Variants in NSD1 observed in about 807,000 individuals in gnomAD.
The protein encoded by NSD1 is nuclear receptor binding SET domain protein 1, also known as histone-lysine N-methyltransferase, H3 lysine-36 specific.
Under a neutral mutation model 242.7 loss-of-function variants are expected in NSD1, and 26 were observed. The observed-to-expected ratio is 0.11, with a 90% confidence interval of 0.08 to 0.15. NSD1 has a LOEUF of 0.15. NSD1 is among the 10% of genes least tolerant of loss of function. NSD1 has a pLI of 1.00. For missense variants in NSD1, 2,495 were observed against 3,272.8 expected, an observed-to-expected ratio of 0.76 and a Z score of 5.80; for synonymous variants, 1,106 against 1,178.1, an observed-to-expected ratio of 0.94 and a Z score of 1.25.
At chr5:177,251,518 A>C (rs1266428798) in intron 11 of NSD1, among the ~76,000 whole-genome samples, 2 of 152,176 alleles carry the variant, frequency 1.3e-5, no homozygotes, top group Non-Finnish European at 2.9e-5. Flanking sequence ...GTCTTTTTAA[A>C]AATGAATACC....
chr5:177,236,841 GTTCT>G (rs1765487483), intron 6 of NSD1, among the ~76,000 whole-genome samples: 1 of 152,190 alleles, frequency 6.6e-6, no homozygotes, highest in Admixed American at 6.5e-5. Flanking sequence ...CTGACAGTTT[GTTCT>G]TTCTTTTTTA....
At chr5:177,248,552 A>G (rs1766480760) in intron 11 of NSD1, among the ~76,000 whole-genome samples, 2 of 152,158 alleles carry the variant, frequency 1.3e-5, no homozygotes, top group South Asian at 4.1e-4. Context: ...CCCATGAAGG[A>G]ATATATGCCG....
intron 5 of NSD1, among the ~76,000 whole-genome samples, chr5:177,217,666 CTTT>C (rs543853335): frequency 1.7e-4 from 18 of 106,226 alleles, no homozygotes; most frequent in South Asian, 6.3e-4. Flanking sequence ...GCGTCACATT[CTTT>C]TTTTTTTTTT....
intron 11 of NSD1, among the ~76,000 whole-genome samples, chr5:177,250,208 T>A (rs755576838): frequency 1.3e-5 from 2 of 152,252 alleles, no homozygotes; most frequent in African/African-American, 4.8e-5. Context: ...CACTATTACA[T>A]TCTTGGACCA....
At chr5:177,171,677 C>T (rs751586398) in intron 2 of NSD1, among the ~76,000 whole-genome samples, 1 of 152,076 alleles carries the variant, frequency 6.6e-6, no homozygotes, top group Non-Finnish European at 1.5e-5. Context: ...ATTTGCCTAT[C>T]CTAGGTATTT....
intron 17 of NSD1, among the ~76,000 whole-genome samples, chr5:177,277,064 T>C (rs150537251): frequency 1.2e-4 from 19 of 152,030 alleles, no homozygotes; most frequent in Non-Finnish European, 2.1e-4. Context: ...CATATTGAGC[T>C]ACTGAGAGAG....
intron 17 of NSD1, among the ~76,000 whole-genome samples, chr5:177,275,607 G>A (rs1758316300): frequency 6.6e-6 from 1 of 151,736 alleles, no homozygotes; most frequent in African/African-American, 2.4e-5. Context: ...CTAATTTTTT[G>A]TATTTTTAGT....
rs1410968106 is a variant in NSD1, at chr5:177,295,295, C to A, written c.7927C>A (p.Gln2643Lys). 1 of 1,614,228 alleles carries A rather than the reference C, an allele frequency of 6.2e-7. No homozygotes were observed. The highest frequency in any genetic ancestry group is 2.2e-5 in the East Asian group (1 of 44,892). The change falls in exon 23 of 23, where the codon CAG becomes AAG. Residue 2643 changes from glutamine to lysine, a missense_variant. Coordinates refer to ENST00000439151, the MANE Select transcript of NSD1 (RefSeq NM_022455.5). The surrounding 1 kb of genome is among the most constrained non-coding windows in gnomAD (Gnocchi z 4.3). ...AGGGCTCTGGCCCATAGTGGCTGGA[C>A]AGACACTGGCACAGTCTTGCTGGTC... ...RAGLWPIVAG[Q>K]TLAQSCWSAG...
chr5:177,195,117 C>G (rs1035150191), intron 3 of NSD1, among the ~76,000 whole-genome samples: 3 of 152,030 alleles, frequency 2.0e-5, no homozygotes, highest in Non-Finnish European at 4.4e-5. Flanking sequence ...CAAGATCACA[C>G]TACTGCACTA....
At chr5:177,194,316 A>C (rs1057087905) in intron 3 of NSD1, among the ~76,000 whole-genome samples, 3 of 151,718 alleles carry the variant, frequency 2.0e-5, no homozygotes, top group Non-Finnish European at 4.4e-5. Context: ...CTGGAGTGTA[A>C]TGGCATAACA....
At chr5:177,202,567 T>C (rs1189438539) in intron 3 of NSD1, among the ~76,000 whole-genome samples, 1 of 152,006 alleles carries the variant, frequency 6.6e-6, no homozygotes, top group African/African-American at 2.4e-5. Flanking sequence ...TTAGTAGAGA[T>C]AGGGTCTTGC....
intron 2 of NSD1, among the ~76,000 whole-genome samples, chr5:177,159,245 A>T: frequency 6.7e-6 from 1 of 150,182 alleles, no homozygotes; most frequent in Middle Eastern, 3.5e-3. Context: ...TTAAGTCTGC[A>T]GTTGTTCTTT....
intron 17 of NSD1, among the ~76,000 whole-genome samples, chr5:177,280,177 C>G (rs574982404): frequency 5.4e-4 from 81 of 150,980 alleles, no homozygotes; most frequent in Non-Finnish European, 1.1e-3. Context: ...CGGGGTTTCA[C>G]CGTGTTAGCC....
intron 2 of NSD1, among the ~76,000 whole-genome samples, chr5:177,137,614 C>T (rs1756447461): frequency 6.6e-6 from 1 of 152,154 alleles, no homozygotes. Context: ...GCAGCTCAGA[C>T]AAATCCTTTT....
chr5:177,265,133 G>C, intron 14 of NSD1: 2 of 757,428 alleles, frequency 2.6e-6, no homozygotes, highest in South Asian at 1.4e-5. Flanking sequence ...AGTTAACCTG[G>C]GTTCAACTGA....
chr5:177,136,154 A>G lies in NSD1; in HGVS notation c.927+124A>G, dbSNP rs1756312474. 3 of 844,482 alleles carry G rather than the reference A, an allele frequency of 3.6e-6. No homozygotes were observed. In the Admixed American group the frequency reaches 7.0e-5, roughly 20 times the overall value. 52.3% of individuals were successfully genotyped at this position (844,482 alleles called of 1,614,324 possible). ...AGTTCACAGCTGAAATCCTATTGCT[A>G]ATCATAAGCTTTGGGCAAAATTTTA... On this transcript the variant is annotated intron_variant, in intron 2 of 22. Transcript: ENST00000439151.
At chr5:177,225,867 T>G (rs1430804491) in intron 5 of NSD1, among the ~76,000 whole-genome samples, 1 of 152,192 alleles carries the variant, frequency 6.6e-6, no homozygotes, top group Non-Finnish European at 1.5e-5. Flanking sequence ...TGTACCTCAG[T>G]GGCTTAGATC....
intron 5 of NSD1, among the ~76,000 whole-genome samples, chr5:177,221,711 C>A (rs567025704): frequency 6.6e-6 from 1 of 151,982 alleles, no homozygotes; most frequent in African/African-American, 2.4e-5. Flanking sequence ...CCTTATGATC[C>A]GTCCATGTTA....
chr5:177,156,862 G>A (rs1311875233), intron 2 of NSD1, among the ~76,000 whole-genome samples: 4 of 151,540 alleles, frequency 2.6e-5, no homozygotes, highest in Non-Finnish European at 5.9e-5. Context: ...GTGGAACCCC[G>A]TCTTAGGCTG....
Sources: allele counts gnomAD v4.1 joint callset (sites outside exome capture counted in the v4.1 genomes callset), GRCh38; gene constraint gnomAD v4.1.1; non-coding constraint Gnocchi (gnomAD v3.1); transcripts MANE v1.5; gene names NCBI Gene and HGNC (gene_info 2026-07-23, HGNC 2026-07-21).